The following CMSS1 variants were observed in gnomAD, a reference collection of about 807,000 sequenced individuals.
CMSS1 encodes the protein protein CMSS1.
A neutral mutation model predicts 43.5 loss-of-function variants in CMSS1; 33 were observed. That is an observed-to-expected ratio of 0.76 (90% CI 0.57 to 1.01). The LOEUF (loss-of-function observed/expected upper bound fraction) is 1.01. Ranked by LOEUF, CMSS1 falls within the 50% of genes least tolerant of loss-of-function variation. CMSS1 has a pLI of 0.00. For missense variants in CMSS1, 313 were observed against 326.4 expected (o/e 0.96, Z 0.32); for synonymous variants, 115 against 117.2 (o/e 0.98, Z 0.12).
At chr3:99,848,142 T>C (rs968121017) in intron 1 of CMSS1, 2 of 1,506,404 alleles carry the variant, frequency 1.3e-6, no homozygotes, top group Admixed American at 2.3e-5. Flanking sequence ...TTTCAGATAC[T>C]CTTGTATAGT....
rs74408343 is a variant in CMSS1 at position 99,959,867 on chromosome 3, C to T, written c.64+141824C>T. 4.7e-3 allele frequency among the ~76,000 whole-genome samples: 722 copies of T among 152,236 alleles called. 7 individuals carry two copies. The highest frequency in any genetic ancestry group is 0.017 in the African/African-American group (707 of 41,538). On this transcript the variant is annotated intron_variant, in intron 1 of 9. Transcript: ENST00000421999. ...TGAGCATGGTTCTTGACTGAGCCCC[C>T]CAGCCCACTCAGTGTAGTAGGACTA...
chr3:100,149,629 A>G (rs2066885115), intron 2 of CMSS1, among the ~76,000 whole-genome samples: 1 of 152,024 alleles, frequency 6.6e-6, no homozygotes, highest in Admixed American at 6.5e-5. Context: ...TTTTTTCTGA[A>G]TTGACATGAG....
chr3:99,924,491 G>T, intron 1 of CMSS1: 2 of 1,358,812 alleles, frequency 1.5e-6, no homozygotes, highest in Non-Finnish European at 2.1e-6. Context: ...TCCCTGTTTT[G>T]ATTAATTCGG....
At chr3:99,982,289 G>C (rs1415202696) in intron 1 of CMSS1, among the ~76,000 whole-genome samples, 2 of 151,012 alleles carry the variant, frequency 1.3e-5, no homozygotes, top group Non-Finnish European at 2.9e-5. Flanking sequence ...TTTAATCTGG[G>C]GCTGTGTATT....
intron 1 of CMSS1, among the ~76,000 whole-genome samples, chr3:100,050,614 C>T (rs1056900821): frequency 6.6e-6 from 1 of 152,176 alleles, no homozygotes; most frequent in Non-Finnish European, 1.5e-5. Context: ...TCACTGCAAC[C>T]TCCATCTCCC....
chr3:100,016,903 A>T (rs984082979), intron 1 of CMSS1, among the ~76,000 whole-genome samples: 2 of 152,246 alleles, frequency 1.3e-5, no homozygotes, highest in Admixed American at 1.3e-4. Flanking sequence ...TGTCCAAAAT[A>T]TCAATCAGAA....
chr3:100,145,195 C>T (rs1380484371), intron 1 of CMSS1, among the ~76,000 whole-genome samples: 2 of 152,048 alleles, frequency 1.3e-5, no homozygotes, highest in Non-Finnish European at 2.9e-5. Flanking sequence ...AATCCCAGCA[C>T]TTTGAGAGGC....
chr3:99,922,880 G>A (rs188861821), intron 1 of CMSS1, among the ~76,000 whole-genome samples: 1 of 152,170 alleles, frequency 6.6e-6, no homozygotes. Context: ...TTCTTATTTT[G>A]TTTTTTAAAG....
intron 1 of CMSS1, among the ~76,000 whole-genome samples, chr3:99,977,591 A>C (rs765162315): frequency 6.6e-5 from 10 of 152,206 alleles, no homozygotes; most frequent in Admixed American, 2.6e-4. Flanking sequence ...CCATGAAATA[A>C]ATTTCAACAA....
At chr3:100,105,890 T>A (rs908360573) in intron 1 of CMSS1, among the ~76,000 whole-genome samples, 8 of 152,138 alleles carry the variant, frequency 5.3e-5, no homozygotes, top group African/African-American at 1.9e-4. Context: ...AACAAAAACT[T>A]TTTTTTAATC....
At chr3:100,045,136 A>T (rs949742536) in intron 1 of CMSS1, among the ~76,000 whole-genome samples, 1 of 152,234 alleles carries the variant, frequency 6.6e-6, no homozygotes, top group South Asian at 2.1e-4. Flanking sequence ...AGAAATATAA[A>T]TTGGATAACA....
At chr3:99,875,931 T>C (rs985380082) in intron 1 of CMSS1, 2 of 460,640 alleles carry the variant, frequency 4.3e-6, no homozygotes, top group Admixed American at 6.4e-5. Flanking sequence ...GTTTTGAACC[T>C]AGAATTCATT....
intron 1 of CMSS1, among the ~76,000 whole-genome samples, chr3:100,007,624 A>T (rs1366619426): frequency 1.3e-5 from 2 of 152,174 alleles, no homozygotes; most frequent in African/African-American, 4.8e-5. Context: ...CAGAAAGTGT[A>T]CAGATTTTGC....
At chr3:100,118,811 T>C (rs2066596994) in intron 1 of CMSS1, among the ~76,000 whole-genome samples, 1 of 152,202 alleles carries the variant, frequency 6.6e-6, no homozygotes, top group African/African-American at 2.4e-5. Flanking sequence ...TGTATTGGGC[T>C]GACTCTTAGA....
intron 1 of CMSS1, among the ~76,000 whole-genome samples, chr3:100,067,046 A>T (rs1055137053): frequency 6.6e-6 from 1 of 152,196 alleles, no homozygotes; most frequent in Non-Finnish European, 1.5e-5. Context: ...TCAGAAGGGC[A>T]AGCGTGGACT....
intron 1 of CMSS1, among the ~76,000 whole-genome samples, chr3:100,096,689 C>T (rs2066215300): frequency 6.6e-6 from 1 of 151,274 alleles, no homozygotes; most frequent in Non-Finnish European, 1.5e-5. Context: ...ATGAATAACA[C>T]CAGGTATTTG....
At chr3:100,053,365 T>C (rs1228989635) in intron 1 of CMSS1, among the ~76,000 whole-genome samples, 2 of 152,202 alleles carry the variant, frequency 1.3e-5, no homozygotes, top group African/African-American at 2.4e-5. Context: ...TTCTTGCTTT[T>C]TGTAGCTTCT....
At chr3:99,850,625 G>A (rs1246164657) in intron 1 of CMSS1, 1 of 1,613,780 alleles carries the variant, frequency 6.2e-7, no homozygotes, top group Non-Finnish European at 8.5e-7. Flanking sequence ...ATATCTTGCA[G>A]CTCCTCTTCT....
Position 99,866,644 on chromosome 3 carries a change from G to C in CMSS1, c.64+48601G>C, listed in dbSNP as rs956716164. On this transcript the variant is annotated intron_variant, in intron 1 of 9. Transcript: ENST00000421999. ...AGAGGTTCAGGCAGTTAGAGGATGA[G>C]GGTTAATGTGTGGCTTGGCTTCCTG... 1.5e-4 allele frequency among the ~76,000 whole-genome samples: 23 copies of C among 152,268 alleles called. 1 individual carries two copies. Among genetic ancestry groups the C allele is most frequent in the African/African-American group, 5.1e-4 (21 of 41,558 alleles).
Sources: gnomAD v4.1 joint callset for allele counts (sites outside exome capture counted in the v4.1 genomes callset) on GRCh38, gnomAD v4.1.1 for gene constraint, MANE v1.5 for transcripts, NCBI Gene and HGNC (gene_info 2026-07-23, HGNC 2026-07-21) for gene names.